EPS15: variants seen among roughly 807,000 people sequenced by gnomAD.
EPS15 encodes the protein epidermal growth factor receptor pathway substrate 15, also known as epidermal growth factor receptor substrate 15.
EPS15 carries 72 observed loss-of-function variants against 113.8 expected under a neutral mutation model. The ratio of observed to expected loss-of-function variants is 0.63; its 90% CI spans 0.52 to 0.77. The LOEUF (loss-of-function observed/expected upper bound fraction) is 0.77, where lower values mean the gene tolerates loss of function less well. Ranked by LOEUF, EPS15 falls within the 30% of genes least tolerant of loss-of-function variation. The probability of loss-of-function intolerance (pLI) is 0.00; values close to 1 mark genes in which losing one functional copy is unlikely to be tolerated. For synonymous variants in EPS15, 344 were observed against 363.4 expected, an observed-to-expected ratio of 0.95 and a Z score of 0.61; for missense variants, 1,048 against 1,045.8, an observed-to-expected ratio of 1.00 and a Z score of -0.03.
chr1:51,498,101 C>A (rs575325298), intron 1 of EPS15, among the ~76,000 whole-genome samples: 12 of 151,750 alleles, frequency 7.9e-5, no homozygotes, highest in African/African-American at 2.9e-4. Context: ...GATAAGATAA[C>A]AATGTCACTT....
At chr1:51,388,905 A>G (rs1338081042) in intron 21 of EPS15, among the ~76,000 whole-genome samples, 1 of 151,888 alleles carries the variant, frequency 6.6e-6, no homozygotes, top group African/African-American at 2.4e-5. Context: ...AGGAACTGGT[A>G]CCATTCCTTC....
chr1:51,370,081 T>A (rs1646609731), intron 21 of EPS15, among the ~76,000 whole-genome samples: 2 of 152,322 alleles, frequency 1.3e-5, no homozygotes, highest in Non-Finnish European at 2.9e-5. Context: ...CATAACAATG[T>A]TTGGTCAACA....
rs1570170159 is a variant in EPS15, at chr1:51,390,016, T to G, written c.2119+4365A>C. Among the ~76,000 whole-genome samples the G allele has an allele frequency of 2.6e-5, 4 of 152,182 alleles. No homozygotes were observed. In the East Asian group the frequency reaches 7.7e-4, roughly 29 times the overall value. ...AGAGCCTGCATCGCCAAGTCAATCC[T>G]AAGCCAAAAGAACAAAGCTGGCAGC... On this transcript the variant is annotated intron_variant, in intron 21 of 24. Coordinates refer to ENST00000371733, the MANE Select transcript of EPS15 (RefSeq NM_001981.3).
chr1:51,408,181 T>A lies in EPS15; in HGVS notation c.1427A>T (p.Glu476Val), dbSNP rs1220276165. The A allele has an allele frequency of 1.2e-6, 2 of 1,613,998 alleles. No individual in the cohort carries two copies. Among genetic ancestry groups the A allele is most frequent in the African/African-American group, 2.7e-5 (2 of 74,910 alleles). ...ESVESGKAQL[E>V]PLQQHLQDSQ... ...ATCTTGTAGGTGCTGCTGAAGAGGT[T>A]CCAACTGAGCCTTCCCTGACTCTAC... Residue 476 changes from glutamate (E) to valine (V), a missense_variant, in exon 15 of 25, where the codon GAA becomes GTA. By Grantham distance (121) the Glu-to-Val change is moderately radical (BLOSUM62 -2). Coordinates refer to ENST00000371733, the MANE Select transcript of EPS15 (RefSeq NM_001981.3).
chr1:51,386,466 A>C (rs1269005547), intron 21 of EPS15, among the ~76,000 whole-genome samples: 1 of 152,228 alleles, frequency 6.6e-6, no homozygotes, highest in Non-Finnish European at 1.5e-5. Context: ...TTTGCGGTTC[A>C]AGAAAATCCG....
At chr1:51,495,464 TAAATCAATAG>T (rs1644309649) in intron 1 of EPS15, among the ~76,000 whole-genome samples, 1 of 151,706 alleles carries the variant, frequency 6.6e-6, no homozygotes, top group Non-Finnish European at 1.5e-5. Context: ...CCAAAGAATA[TAAATCAATAG>T]AAATCTTTGG....
chr1:51,450,165 G>A (rs997662886), intron 8 of EPS15, among the ~76,000 whole-genome samples: 4 of 151,684 alleles, frequency 2.6e-5, no homozygotes, highest in Admixed American at 1.3e-4. Context: ...CACAACGTGG[G>A]ACATAAGGCT....
In EPS15 at chr1:51,409,571, C is replaced by T. The variant is rs1649497555; in HGVS notation, c.1239G>A (p.Lys413=). Residue 413 remains lysine, a synonymous_variant, in exon 14 of 25, where the codon AAG becomes AAA. Transcript: ENST00000371733. ...EQKAQLEEQL[K]EVRKKCAEEA... is the part of the protein sequence containing the mutation. ...CCTCAGCACATTTCTTTCTGACTTCCTTGAGTTGCTCCTCCAGCTGGGCTT... is the reference window on the plus strand; with the variant it reads ...CCTCAGCACATTTCTTTCTGACTTCTTTGAGTTGCTCCTCCAGCTGGGCTT... The T allele has an allele frequency of 6.2e-7, 1 of 1,613,872 alleles. No individual in the cohort carries two copies. Among genetic ancestry groups the T allele is most frequent in the African/African-American group, 1.3e-5 (1 of 74,994 alleles).
chr1:51,501,756 G>C (rs1644419069), intron 1 of EPS15, among the ~76,000 whole-genome samples: 1 of 152,108 alleles, frequency 6.6e-6, no homozygotes, highest in South Asian at 2.1e-4. Flanking sequence ...TGGGATTACA[G>C]GTGAGAGCGG....
rs778005813 is a variant in EPS15 at position 51,468,546 on chromosome 1, A to T, written c.236T>A (p.Leu79His). 2.5e-6 allele frequency: 4 copies of T among 1,613,514 alleles called. No homozygotes were observed. The highest frequency in any genetic ancestry group is 1.7e-6 in the Non-Finnish European group (2 of 1,179,564). Residue 79 changes from leucine to histidine, a missense_variant, in exon 5 of 25, where the codon CTT becomes CAT. Physicochemically the swap from Leu to His is moderately conservative, Grantham distance 99. Coordinates refer to ENST00000371733, the MANE Select transcript of EPS15 (RefSeq NM_001981.3). ...CAATCCATTCTGGGCACATGCCACAAGACGCAAAGCAACAAAGAATTCCTA... is the reference window on the plus strand; with the variant it reads ...CAATCCATTCTGGGCACATGCCACATGACGCAAAGCAACAAAGAATTCCTA... Reference protein sequence around the residue: ...NKQEFFVALRLVACAQNGLEV... With the variant: ...NKQEFFVALRHVACAQNGLEV...
Position 51,481,312 on chromosome 1 carries a change from T to C in EPS15, c.36A>G (p.Leu12=), listed in dbSNP as rs770502279. The change falls in exon 2 of 25, where the codon TTA becomes TTG. Residue 12 remains leucine, a splice_region_variant and synonymous_variant. Transcript: ENST00000371733. ...TTTCATATACAGGATTCCCACTTGA[T>C]AACTGAAATAAACACATTAATAAAA... is the stretch of plus-strand genomic sequence containing the variant. ...AAAAQLSLTQ[L]SSGNPVYEKY... 4.5e-5 allele frequency: 57 copies of C among 1,267,010 alleles called. No individual in the cohort carries two copies. The highest frequency in any genetic ancestry group is 6.3e-5 in the Non-Finnish European group (55 of 868,608). 78.5% of individuals were successfully genotyped at this position (1,267,010 alleles called of 1,614,324 possible).
chr1:51,410,596 T>G (rs1649619041), intron 13 of EPS15, among the ~76,000 whole-genome samples: 1 of 152,150 alleles, frequency 6.6e-6, no homozygotes, highest in Admixed American at 6.5e-5. Context: ...CAGAAATTTT[T>G]AAAAAGCCAG....
chr1:51,398,928 G>C, intron 20 of EPS15, 104 bp downstream of exon 20: 2 of 999,110 alleles, frequency 2.0e-6, no homozygotes, highest in Non-Finnish European at 1.5e-6. Context: ...TGGTCCATTA[G>C]AAGTAATCTA....
chr1:51,364,540 G>C (rs1646464231), intron 22 of EPS15, among the ~76,000 whole-genome samples: 1 of 151,576 alleles, frequency 6.6e-6, no homozygotes, highest in Non-Finnish European at 1.5e-5. Context: ...AGTCTCCCAA[G>C]CTGGAGAGCA....
chr1:51,447,132 T>A, intron 9 of EPS15, 27 bp from the exon 10 acceptor site: 1 of 1,573,268 alleles, frequency 6.4e-7, no homozygotes, highest in Admixed American at 2.1e-5. Flanking sequence ...AAACAGTATT[T>A]CTGCCAAAAT....
intron 1 of EPS15, among the ~76,000 whole-genome samples, chr1:51,490,564 C>CA (rs60149665): frequency 0.032 from 2,435 of 76,326 alleles, 70 homozygotes; most frequent in Non-Finnish European, 0.038. Context: ...GACTCCATCT[C>CA]AAAAAAAAAA....
At chr1:51,390,577 G>C (rs1412740446) in intron 21 of EPS15, among the ~76,000 whole-genome samples, 1 of 151,542 alleles carries the variant, frequency 6.6e-6, no homozygotes, top group Non-Finnish European at 1.5e-5. Context: ...CTGACAAAGG[G>C]CTAATATCCA....
intron 4 of EPS15, among the ~76,000 whole-genome samples, chr1:51,468,900 G>C (rs1407567670): frequency 3.3e-4 from 51 of 152,254 alleles, no homozygotes. Flanking sequence ...GGCCGAGACG[G>C]GCAGATCACT....
chr1:51,503,632 A>C (rs1644450270), intron 1 of EPS15, among the ~76,000 whole-genome samples: 1 of 152,196 alleles, frequency 6.6e-6, no homozygotes, highest in Non-Finnish European at 1.5e-5. Flanking sequence ...ACAGAAGTGA[A>C]CAACAACAAA....
Sources: allele counts gnomAD v4.1 joint callset (sites outside exome capture counted in the v4.1 genomes callset), GRCh38; gene constraint gnomAD v4.1.1; transcripts MANE v1.5; gene names NCBI Gene and HGNC (gene_info 2026-07-23, HGNC 2026-07-21).